The following PAPPA2 variants were observed in gnomAD, a reference collection of about 807,000 sequenced individuals.
PAPPA2 encodes the protein pappalysin 2.
In PAPPA2, 86 loss-of-function variants were observed where a neutral mutation model predicts 176.4. The ratio of observed to expected loss-of-function variants is 0.49; its 90% CI spans 0.41 to 0.58. The LOEUF (loss-of-function observed/expected upper bound fraction) is 0.58. Among genes scored for constraint, PAPPA2 ranks in the 20% least tolerant of loss-of-function variants. The pLI, the probability that PAPPA2 is intolerant of heterozygous loss-of-function variation, is 0.00. For synonymous variants in PAPPA2, 809 were observed against 852.2 expected, an observed-to-expected ratio of 0.95 and a Z score of 0.88; for missense variants, 2,073 against 2,256.9, an observed-to-expected ratio of 0.92 and a Z score of 1.65.
chr1:176,834,645 T>C (rs1233464763), intron 21 of PAPPA2, among the ~76,000 whole-genome samples: 1 of 152,148 alleles, frequency 6.6e-6, no homozygotes, highest in Admixed American at 6.5e-5. Context: ...CTATTTGGGA[T>C]AAACCTTGAC....
chr1:176,498,737 G>A (rs1304584543), intron 1 of PAPPA2, among the ~76,000 whole-genome samples: 1 of 129,784 alleles, frequency 7.7e-6, no homozygotes, highest in African/African-American at 3.1e-5. Flanking sequence ...GCGACAGAGC[G>A]AGACTCTTAC....
At chr1:176,698,825 C>G (rs1403271600) in intron 7 of PAPPA2, among the ~76,000 whole-genome samples, 1 of 152,194 alleles carries the variant, frequency 6.6e-6, no homozygotes. Flanking sequence ...CCTCATGTTT[C>G]CACCTAGGAT....
chr1:176,789,842 A>G lies in PAPPA2; in HGVS notation c.4749A>G (p.Gly1583=), dbSNP rs1407362895. ...KLLKIQCLEG[G]IWEQGSCIPV... ...TGAAGATACAATGCCTGGAAGGTGGAATCTGGGAGCAAGGCAGCTGCATTC... is the reference window on the plus strand; with the variant it reads ...TGAAGATACAATGCCTGGAAGGTGGGATCTGGGAGCAAGGCAGCTGCATTC... Residue 1583 remains glycine (G), a synonymous_variant, in exon 18 of 23, where the codon GGA becomes GGG. Coordinates refer to ENST00000367662, the MANE Select transcript of PAPPA2 (RefSeq NM_020318.3). 1.2e-6 allele frequency: 2 copies of G among 1,613,900 alleles called. No homozygotes were observed. The highest frequency in any genetic ancestry group is 1.7e-5 in the Admixed American group (1 of 59,990).
chr1:176,759,471 G>T (rs148948282), intron 14 of PAPPA2, among the ~76,000 whole-genome samples: 1 of 151,980 alleles, frequency 6.6e-6, no homozygotes, highest in Non-Finnish European at 1.5e-5. Flanking sequence ...AATCTTTCAC[G>T]CACTCTTACA....
At chr1:176,822,787 C>A (rs1666714995) in intron 21 of PAPPA2, among the ~76,000 whole-genome samples, 7 of 152,270 alleles carry the variant, frequency 4.6e-5, no homozygotes, top group Middle Eastern at 6.8e-3. Context: ...GAAATTTGAT[C>A]TTTTACTGGC....
At chr1:176,593,643 T>C (rs1353861638) in intron 2 of PAPPA2, among the ~76,000 whole-genome samples, 1 of 152,230 alleles carries the variant, frequency 6.6e-6, no homozygotes, top group Non-Finnish European at 1.5e-5. Context: ...TGCTGCCAAC[T>C]TATTAATGAT....
rs1395699988 is a variant in PAPPA2 at position 176,623,736 on chromosome 1, CTTT to C, written c.1991+28142_1991+28144del. The stretch of plus-strand genomic sequence containing the variant: ...CTTCTTTCTTTCTTTCTCTTTCTTT[CTTT>C]CTCTCTCTTTCCTTCCTTCCTTTCT... On this transcript the variant is annotated intron_variant, in intron 3 of 22. Transcript: ENST00000367662. 8.4e-5 allele frequency among the ~76,000 whole-genome samples: 9 copies of C among 107,146 alleles called. No homozygotes were observed. The East Asian group carries it at 2.4e-3, about 28-fold the overall frequency. 70.3% of individuals were successfully genotyped at this position (107,146 alleles called of 152,430 possible).
intron 21 of PAPPA2, among the ~76,000 whole-genome samples, chr1:176,830,931 CA>C (rs1196965469): frequency 1.3e-5 from 2 of 152,148 alleles, no homozygotes; most frequent in African/African-American, 4.8e-5. Context: ...GGAAGGATGA[CA>C]GTGTCATGAA....
chr1:176,544,026 T>C (rs1650497735), intron 1 of PAPPA2, among the ~76,000 whole-genome samples: 1 of 152,176 alleles, frequency 6.6e-6, no homozygotes, highest in Non-Finnish European at 1.5e-5. Flanking sequence ...GACTCTATCA[T>C]TTAAGTTTCT....
chr1:176,476,713 A>G (rs1652144719), intron 1 of PAPPA2, among the ~76,000 whole-genome samples: 1 of 152,230 alleles, frequency 6.6e-6, no homozygotes, highest in Non-Finnish European at 1.5e-5. Context: ...AACCATGACT[A>G]GGATGATTTT....
intron 2 of PAPPA2, among the ~76,000 whole-genome samples, chr1:176,590,656 C>G (rs1338350527): frequency 6.6e-6 from 1 of 152,138 alleles, no homozygotes; most frequent in African/African-American, 2.4e-5. Flanking sequence ...TGAAGATGCA[C>G]AGATTTTATT....
At chr1:176,490,599 T>C (rs1224568434) in intron 1 of PAPPA2, among the ~76,000 whole-genome samples, 1 of 152,204 alleles carries the variant, frequency 6.6e-6, no homozygotes, top group African/African-American at 2.4e-5. Context: ...ATATTTCATG[T>C]GTGTTCATCT....
intron 1 of PAPPA2, among the ~76,000 whole-genome samples, chr1:176,508,740 G>T (rs12089594): frequency 0.023 from 3,525 of 151,976 alleles, 120 homozygotes; most frequent in African/African-American, 0.075. Flanking sequence ...CTCCCTTGCT[G>T]TTCTCATGAT....
intron 21 of PAPPA2, among the ~76,000 whole-genome samples, chr1:176,829,611 A>G (rs972170583): frequency 6.6e-6 from 1 of 152,228 alleles, no homozygotes. Context: ...AACAGGACCT[A>G]ACAGTCTGTC....
chr1:176,699,062 GCTGCTA>G, intron 7 of PAPPA2, 32 bp from the exon 8 acceptor site: 1 of 1,569,356 alleles, frequency 6.4e-7, no homozygotes, highest in Non-Finnish European at 8.6e-7. Flanking sequence ...ACTTTTAATG[GCTGCTA>G]CTGATGTATC....
rs1242031013 is a variant in PAPPA2 at position 176,843,333 on chromosome 1, T to C, written c.*879T>C. On this transcript the variant is annotated 3_prime_UTR_variant, in exon 23 of 23. Transcript: ENST00000367662. ...AGAGGCATAGGAAGTTGAGTGTGAA[T>C]ACCATTGGTGATGGGTCCAGGAGAA... 2.0e-5 allele frequency: 3 copies of C among 152,130 alleles called. No individual in the cohort carries two copies. The highest frequency in any genetic ancestry group is 4.8e-5 in the African/African-American group (2 of 41,436). The allele number at this position is 152,130 out of a possible 1,614,324, so 9.4% of individuals were successfully genotyped here.
chr1:176,566,898 C>T (rs1454036537), intron 2 of PAPPA2, among the ~76,000 whole-genome samples: 1 of 152,110 alleles, frequency 6.6e-6, no homozygotes, highest in Non-Finnish European at 1.5e-5. Context: ...AAAGGCAACA[C>T]CTTAGTTTGG....
At chr1:176,831,020 T>C (rs1259228658) in intron 21 of PAPPA2, among the ~76,000 whole-genome samples, 1 of 152,150 alleles carries the variant, frequency 6.6e-6, no homozygotes, top group Non-Finnish European at 1.5e-5. Flanking sequence ...TCAGCTTCAC[T>C]GGAGAAAAGG....
intron 17 of PAPPA2, among the ~76,000 whole-genome samples, chr1:176,773,517 A>G (rs1282417913): frequency 6.6e-6 from 1 of 152,204 alleles, no homozygotes; most frequent in Non-Finnish European, 1.5e-5. Flanking sequence ...ACAAACAAAC[A>G]AACAAACAAA....
Sources: gnomAD v4.1 joint callset for allele counts (sites outside exome capture counted in the v4.1 genomes callset) on GRCh38, gnomAD v4.1.1 for gene constraint, MANE v1.5 for transcripts, NCBI Gene and HGNC (gene_info 2026-07-23, HGNC 2026-07-21) for gene names.